NOS1: variants seen among roughly 807,000 people sequenced by gnomAD.
NOS1 encodes the protein nitric oxide synthase 1.
Under a neutral mutation model 164.5 loss-of-function variants are expected in NOS1, and 51 were observed. The observed-to-expected ratio is 0.31, with a 90% CI of 0.25 to 0.39. The LOEUF is 0.39. Among genes scored for constraint, NOS1 ranks in the 10% least tolerant of loss-of-function variants. The probability of loss-of-function intolerance (pLI) is 1.00; values close to 1 mark genes in which losing one functional copy is unlikely to be tolerated. For missense variants in NOS1, 1,362 were observed against 1,885.6 expected (o/e 0.72, Z 5.14); for synonymous variants, 719 against 745.8 (o/e 0.96, Z 0.59).
chr12:117,311,677 C>T (rs1566071425), intron 2 of NOS1, 85 bp from the exon 3 acceptor site: 4 of 1,442,416 alleles, frequency 2.8e-6, no homozygotes, highest in Non-Finnish European at 2.8e-6. Flanking sequence ...TGAGTCTGTA[C>T]AGAACCTCAG....
chr12:117,339,635 A>G (rs1363864739), intron 1 of NOS1, among the ~76,000 whole-genome samples: 1 of 152,226 alleles, frequency 6.6e-6, no homozygotes. Flanking sequence ...TTAAGTACCC[A>G]TCAATAGAAG....
At position 117,304,614 on chromosome 12, in the gene NOS1, A is replaced by G. The variant is rs889568700; in HGVS notation, c.852+6852T>C. Reference sequence around the variant, plus strand: ...GATGAACTGATTTGTTCTATCTACTATCCCAGGCCAGATGCAATTTGCAAG... The same window carrying G: ...GATGAACTGATTTGTTCTATCTACTGTCCCAGGCCAGATGCAATTTGCAAG... On this transcript the variant is annotated intron_variant, in intron 3 of 28. Coordinates refer to ENST00000317775, the MANE Select transcript of NOS1 (RefSeq NM_000620.5). 5.3e-5 allele frequency among the ~76,000 whole-genome samples: 8 copies of G among 152,128 alleles called. No individual in the cohort carries two copies. In the East Asian group the frequency reaches 7.7e-4, roughly 15 times the overall value.
At position 117,307,472 on chromosome 12, in the gene NOS1, C is replaced by A. The variant is rs114669733; in HGVS notation, c.852+3994G>T. Among the ~76,000 whole-genome samples the A allele has an allele frequency of 8.5e-3, 1,298 of 152,166 alleles. 13 individuals carry two copies. Among genetic ancestry groups the A allele is most frequent in the African/African-American group, 0.028 (1,143 of 41,524 alleles). On this transcript the variant is annotated intron_variant, in intron 3 of 28. Coordinates refer to ENST00000317775, the MANE Select transcript of NOS1 (RefSeq NM_000620.5). The stretch of plus-strand genomic sequence containing the variant: ...ACTTCCCTGGCTCAAGCGATACTCC[C>A]GCCTCAACCTCCCAAGTAGCTGGGA...
At position 117,265,388 on chromosome 12, in the gene NOS1, C is replaced by T. The variant is rs1872304223; in HGVS notation, c.2064G>A (p.Met688Ile). The T allele has an allele frequency of 6.3e-7, 1 of 1,590,558 alleles. No homozygotes were observed. Among genetic ancestry groups the T allele is most frequent in the Non-Finnish European group, 8.6e-7 (1 of 1,168,096 alleles). The change falls in exon 12 of 29, where the codon ATG becomes ATA. Residue 688 changes from methionine to isoleucine, a missense_variant. This residue lies in a region of NOS1 where 737 missense variants were observed against 1,030.3 expected (regional missense o/e 0.72). Transcript: ENST00000317775. ...PADWVWIVPP[M>I]SGSITPVFHQ... The stretch of plus-strand genomic sequence containing the variant: ...GGAACACAGGGGTGATGCTTCCGGA[C>T]ATGGGGGGCACGATCCACACCCAGT...
At chr12:117,252,834 A>C (rs1171068926) in intron 17 of NOS1, among the ~76,000 whole-genome samples, 6 of 152,258 alleles carry the variant, frequency 3.9e-5, no homozygotes, top group Non-Finnish European at 7.3e-5. Flanking sequence ...ATTACGGAGA[A>C]GGCTCAGTTA....
At chr12:117,332,769 G>A (rs547113191) in intron 1 of NOS1, among the ~76,000 whole-genome samples, 1 of 152,230 alleles carries the variant, frequency 6.6e-6, no homozygotes, top group South Asian at 2.1e-4. Flanking sequence ...GGAGGCTGAG[G>A]CACAAGAATC....
rs1592910907 is a variant in NOS1 at position 117,208,615 on chromosome 12, A to G, written c.*6694T>C. Reference sequence around the variant, plus strand: ...GGCAGAGCACAGGACATGGGAGGGGACTGAGACCCAGCTCAAGAGCACTGG... The same window carrying G: ...GGCAGAGCACAGGACATGGGAGGGGGCTGAGACCCAGCTCAAGAGCACTGG... On this transcript the variant is annotated 3_prime_UTR_variant, in exon 29 of 29. Transcript: ENST00000317775. 8.5e-7 allele frequency: 1 copy of G among 1,169,730 alleles called. No individual in the cohort carries two copies. Among genetic ancestry groups the G allele is most frequent in the South Asian group, 1.7e-5 (1 of 59,860 alleles). The allele number at this position is 1,169,730 out of a possible 1,614,324, so 72.5% of individuals were successfully genotyped here. A position where few individuals can be genotyped will look rare whatever the true frequency, so the allele number is the denominator to read the frequency against.
chr12:117,210,339 A>C lies in NOS1; in HGVS notation c.*4970T>G. 1.0e-6 allele frequency: 1 copy of C among 985,208 alleles called. No individual in the cohort carries two copies. Among genetic ancestry groups the C allele is most frequent in the East Asian group, 1.1e-4 (1 of 8,790 alleles). The allele number at this position is 985,208 out of a possible 1,614,324, so 61.0% of individuals were successfully genotyped here. On this transcript the variant is annotated 3_prime_UTR_variant, in exon 29 of 29. Transcript: ENST00000317775. Reference sequence around the variant, plus strand: ...GACTATGAAGGTTGGGGACAGCCAGAGAGTATGAATGGGTTATAAAGGAAG... The same window carrying C: ...GACTATGAAGGTTGGGGACAGCCAGCGAGTATGAATGGGTTATAAAGGAAG...
At chr12:117,248,476 T>C (rs1200595752) in intron 17 of NOS1, among the ~76,000 whole-genome samples, 2 of 151,890 alleles carry the variant, frequency 1.3e-5, no homozygotes, top group Non-Finnish European at 2.9e-5. Context: ...GATAGTTTAC[T>C]GAGAATGATG....
At chr12:117,322,713 T>C (rs1337047046) in intron 2 of NOS1, among the ~76,000 whole-genome samples, 1 of 119,242 alleles carries the variant, frequency 8.4e-6, no homozygotes, top group African/African-American at 3.3e-5. Context: ...TTCTTTCCTT[T>C]CATCTCTCCT....
intron 3 of NOS1, among the ~76,000 whole-genome samples, chr12:117,295,009 C>A (rs796634654): frequency 1.3e-5 from 2 of 152,194 alleles, no homozygotes; most frequent in South Asian, 4.1e-4. Flanking sequence ...AGCCTGGGCT[C>A]CAGAGCTGAG....
Position 117,330,294 on chromosome 12 carries a change from AAGCATG to A in NOS1, c.725+45_725+50del, listed in dbSNP as rs767467469. ...TCAGTAGACGCACATGCACACACAC[AAGCATG>A]CACACACACACACACACACACACAC... On this transcript the variant is annotated intron_variant, in intron 2 of 28. Coordinates refer to ENST00000317775, the MANE Select transcript of NOS1 (RefSeq NM_000620.5). The surrounding 1 kb of genome is among the most constrained non-coding windows in gnomAD (Gnocchi z 4.6). 5.5e-6 allele frequency: 8 copies of A among 1,462,214 alleles called. No homozygotes were observed. The African/African-American group carries it at 1.4e-4, about 25-fold the overall frequency. The allele number at this position is 1,462,214 out of a possible 1,614,324, so 90.6% of individuals were successfully genotyped here. A position where few individuals can be genotyped will look rare whatever the true frequency, so the allele number is the denominator to read the frequency against.
chr12:117,250,900 C>T (rs1448865333), intron 17 of NOS1, among the ~76,000 whole-genome samples: 2 of 152,144 alleles, frequency 1.3e-5, no homozygotes, highest in East Asian at 3.8e-4. Flanking sequence ...ATTCAATTAC[C>T]GCTGACACTG....
chr12:117,339,785 C>T (rs1471136355), intron 1 of NOS1, among the ~76,000 whole-genome samples: 1 of 152,196 alleles, frequency 6.6e-6, no homozygotes, highest in African/African-American at 2.4e-5. Flanking sequence ...CAAGGTGGAG[C>T]ACACCCATTT....
chr12:117,239,490 T>C (rs1869990406), intron 20 of NOS1, among the ~76,000 whole-genome samples: 1 of 152,240 alleles, frequency 6.6e-6, no homozygotes, highest in African/African-American at 2.4e-5. Context: ...TTCCAGGCTG[T>C]GATGGTGACT....
At chr12:117,219,168 G>A (rs189629028) in intron 27 of NOS1, among the ~76,000 whole-genome samples, 156 of 151,846 alleles carry the variant, frequency 1.0e-3, no homozygotes, top group African/African-American at 2.6e-3. Context: ...TAGTAGAGAC[G>A]GGGTTTCACC....
rs1874800167 is a variant in NOS1 at position 117,319,216 on chromosome 12, T to C, written c.726-7624A>G. Among the ~76,000 whole-genome samples, 2 of 145,726 alleles carry C rather than the reference T, an allele frequency of 1.4e-5. 1 individual carries two copies. The highest frequency in any genetic ancestry group is 5.3e-5 in the African/African-American group (2 of 38,072). On this transcript the variant is annotated intron_variant, in intron 2 of 28. Transcript: ENST00000317775. ...ATAGGCATGCACCACCATCCCTGAC[T>C]AGTTTTTAAAATTTTTTGTAGAGAT...
At chr12:117,302,596 A>C (rs1203553594) in intron 3 of NOS1, among the ~76,000 whole-genome samples, 1 of 21,452 alleles carries the variant, frequency 4.7e-5, no homozygotes, top group Admixed American at 4.2e-4. Flanking sequence ...CTCCGTCTCA[A>C]AAAAAAAAAA....
intron 2 of NOS1, among the ~76,000 whole-genome samples, chr12:117,324,732 T>C (rs1226311880): frequency 1.3e-5 from 2 of 151,780 alleles, no homozygotes; most frequent in Non-Finnish European, 2.9e-5. Context: ...AATAAATAAA[T>C]AAATAAAGTG....
Sources: allele counts gnomAD v4.1 joint callset (sites outside exome capture counted in the v4.1 genomes callset), GRCh38; gene constraint gnomAD v4.1.1; regional missense constraint gnomAD v4.1.1; non-coding constraint Gnocchi (gnomAD v3.1); transcripts MANE v1.5; gene names NCBI Gene and HGNC (gene_info 2026-07-23, HGNC 2026-07-21).